Variants in ATP8B4 observed in about 807,000 individuals in gnomAD.
ATP8B4 encodes the protein probable phospholipid-transporting ATPase IM.
ATP8B4 carries 133 observed loss-of-function variants against 145.6 expected under a neutral mutation model. The observed-to-expected ratio is 0.91, with a 90% CI of 0.79 to 1.05. The LOEUF (loss-of-function observed/expected upper bound fraction) is 1.05. ATP8B4 is among the 50% of genes least tolerant of loss of function. The pLI is 0.00. For synonymous variants in ATP8B4, 507 were observed against 492.9 expected (o/e 1.03, Z -0.38); for missense variants, 1,458 against 1,425.2 (o/e 1.02, Z -0.37).
intron 6 of ATP8B4, among the ~76,000 whole-genome samples, chr15:50,022,958 T>C (rs889710277): frequency 6.6e-6 from 1 of 152,220 alleles, no homozygotes. Context: ...CCTGGATATA[T>C]CTATATGATA....
chr15:50,018,804 C>T (rs1228419032), intron 6 of ATP8B4: 3 of 622,864 alleles, frequency 4.8e-6, no homozygotes, highest in South Asian at 3.5e-5. Flanking sequence ...TTTAACATCA[C>T]GTCAACAGAT....
At chr15:50,103,470 GA>G (rs774198476) in intron 2 of ATP8B4, among the ~76,000 whole-genome samples, 2 of 151,924 alleles carry the variant, frequency 1.3e-5, no homozygotes, top group Non-Finnish European at 2.9e-5. Context: ...AGAATCAAAT[GA>G]AGAACTCAAA....
At chr15:49,969,380 A>G (rs2044869384) in intron 13 of ATP8B4, among the ~76,000 whole-genome samples, 1 of 151,994 alleles carries the variant, frequency 6.6e-6, no homozygotes, top group South Asian at 2.1e-4. Flanking sequence ...ACCACTAGCC[A>G]GAATAATAAA....
At chr15:50,177,282 C>T (rs545313243) in intron 1 of ATP8B4, among the ~76,000 whole-genome samples, 7 of 152,336 alleles carry the variant, frequency 4.6e-5, no homozygotes, top group Non-Finnish European at 1.5e-5. Context: ...GAGCTCAGTA[C>T]ACTTCTCAAA....
chr15:49,923,540 ACATCAAAATTAGATT>A (rs1308751862), intron 16 of ATP8B4, 46 bp from the exon 17 acceptor site: 1 of 1,326,838 alleles, frequency 7.5e-7, no homozygotes, highest in South Asian at 1.3e-5. Context: ...TCAACGTCAT[ACATCAAAATTAGATT>A]CTCCCAGAGC....
intron 13 of ATP8B4, 103 bp from the exon 14 acceptor site, chr15:49,962,123 T>A: frequency 1.2e-6 from 1 of 815,012 alleles, no homozygotes; most frequent in Non-Finnish European, 1.9e-6. Context: ...TCACCATTAC[T>A]AAATGGCATT....
chr15:49,915,902 G>A (rs907843877), intron 20 of ATP8B4, among the ~76,000 whole-genome samples: 1 of 150,618 alleles, frequency 6.6e-6, no homozygotes, highest in Non-Finnish European at 1.5e-5. Flanking sequence ...GTACCATCAA[G>A]TAGTGGTGCT....
intron 6 of ATP8B4, among the ~76,000 whole-genome samples, chr15:50,031,133 T>C (rs1430766617): frequency 6.6e-6 from 1 of 152,190 alleles, no homozygotes; most frequent in Non-Finnish European, 1.5e-5. Context: ...TTCACTGAGT[T>C]CAAAAAGCAC....
intron 23 of ATP8B4, among the ~76,000 whole-genome samples, chr15:49,892,650 C>T (rs1172962479): frequency 6.6e-6 from 1 of 152,196 alleles, no homozygotes; most frequent in Admixed American, 6.5e-5. Context: ...CTCCATATGG[C>T]ACCTGTTCTA....
intron 6 of ATP8B4, among the ~76,000 whole-genome samples, chr15:50,022,505 G>A (rs577321755): frequency 6.6e-6 from 1 of 152,330 alleles, no homozygotes; most frequent in African/African-American, 2.4e-5. Flanking sequence ...CTGGTTCAGA[G>A]CACCCATGCT....
At chr15:50,036,454 G>A (rs2153598511) in intron 6 of ATP8B4, among the ~76,000 whole-genome samples, 1 of 152,326 alleles carries the variant, frequency 6.6e-6, no homozygotes, top group African/African-American at 2.4e-5. Flanking sequence ...ATGGGTGATT[G>A]GGGATGAGCA....
chr15:50,134,537 A>G (rs1277720825), intron 1 of ATP8B4, among the ~76,000 whole-genome samples: 1 of 152,204 alleles, frequency 6.6e-6, no homozygotes, highest in Non-Finnish European at 1.5e-5. Flanking sequence ...AAGAACATCA[A>G]ATACTGTACT....
rs2031316647 is a variant in ATP8B4, at chr15:49,859,916, T to C, written c.*278A>G. On this transcript the variant is annotated 3_prime_UTR_variant, in exon 28 of 28. Transcript: ENST00000284509. Reference sequence around the variant, plus strand: ...AATAAGATTCTAAAGTTCAGGTCAATTGGTATCTAGGTTGATTTAAAAAAA... The same window carrying C: ...AATAAGATTCTAAAGTTCAGGTCAACTGGTATCTAGGTTGATTTAAAAAAA... 5.4e-6 allele frequency: 2 copies of C among 369,784 alleles called. No homozygotes were observed. Among genetic ancestry groups the C allele is most frequent in the East Asian group, 4.7e-5 (1 of 21,316 alleles). 22.9% of individuals were successfully genotyped at this position (369,784 alleles called of 1,614,324 possible).
chr15:49,995,876 C>T (rs965854140), intron 9 of ATP8B4, among the ~76,000 whole-genome samples: 2 of 152,120 alleles, frequency 1.3e-5, no homozygotes, highest in Non-Finnish European at 2.9e-5. Flanking sequence ...ATTCTCTCTG[C>T]AGCCTATTAT....
At chr15:50,048,634 G>C (rs1005990841) in intron 3 of ATP8B4, among the ~76,000 whole-genome samples, 1 of 151,762 alleles carries the variant, frequency 6.6e-6, no homozygotes, top group Non-Finnish European at 1.5e-5. Flanking sequence ...CTTGAACCCA[G>C]GAAGCGGAGG....
chr15:49,953,567 G>A (rs1048506436), intron 14 of ATP8B4, among the ~76,000 whole-genome samples: 1 of 152,204 alleles, frequency 6.6e-6, no homozygotes, highest in Non-Finnish European at 1.5e-5. Context: ...GGCTCCAGCA[G>A]GGGAAAAGTG....
Position 50,154,464 on chromosome 15 carries a change from G to A in ATP8B4, c.-43+27797C>T, listed in dbSNP as rs547683704. On this transcript the variant is annotated intron_variant, in intron 1 of 3. Transcript: ENST00000558829. ...TTTTTCTCACCAAAAACATATTTTT[G>A]GTACACTTATACAATTCTATATATA... Among the ~76,000 whole-genome samples, 7 of 151,546 alleles carry A rather than the reference G, an allele frequency of 4.6e-5. No individual in the cohort carries two copies. In the South Asian group the frequency reaches 1.5e-3, roughly 32 times the overall value.
intron 3 of ATP8B4, among the ~76,000 whole-genome samples, chr15:50,051,122 T>G (rs2052154438): frequency 6.6e-6 from 1 of 152,212 alleles, no homozygotes; most frequent in Non-Finnish European, 1.5e-5. Flanking sequence ...ACTGAATCAT[T>G]AGAGTGGTTA....
chr15:50,034,372 G>A (rs993321224), intron 6 of ATP8B4, among the ~76,000 whole-genome samples: 13 of 151,630 alleles, frequency 8.6e-5, no homozygotes, highest in Non-Finnish European at 1.3e-4. Flanking sequence ...TGGGATTACC[G>A]GTGCCTGCCA....
Sources: allele counts gnomAD v4.1 joint callset (sites outside exome capture counted in the v4.1 genomes callset), GRCh38; gene constraint gnomAD v4.1.1; transcripts MANE v1.5; gene names NCBI Gene and HGNC (gene_info 2026-07-23, HGNC 2026-07-21).